Variants in MIPEP observed in about 807,000 individuals in gnomAD.
MIPEP encodes mitochondrial intermediate peptidase.
Under a neutral mutation model 90.3 loss-of-function variants are expected in MIPEP, and 79 were observed. That is an observed-to-expected ratio of 0.87 (90% CI 0.73 to 1.05). The LOEUF is 1.05. Ranked by LOEUF, MIPEP falls within the 50% of genes least tolerant of loss-of-function variation. The probability of loss-of-function intolerance (pLI) is 0.00; values close to 1 mark genes in which losing one functional copy is unlikely to be tolerated. For missense variants in MIPEP, 940 were observed against 905.6 expected (o/e 1.04, Z -0.49); for synonymous variants, 334 against 315.8 (o/e 1.06, Z -0.61).
chr13:23,806,494 A>T (rs1953108563), intron 15 of MIPEP, among the ~76,000 whole-genome samples: 1 of 152,092 alleles, frequency 6.6e-6, no homozygotes, highest in Admixed American at 6.5e-5. Flanking sequence ...TGGCTAACAT[A>T]GTGAAATCCC....
At chr13:23,766,476 T>C (rs1952592138) in intron 16 of MIPEP, among the ~76,000 whole-genome samples, 1 of 152,212 alleles carries the variant, frequency 6.6e-6, no homozygotes, top group South Asian at 2.1e-4. Flanking sequence ...ACAATATCAC[T>C]GGTCTGCTAA....
chr13:23,875,127 TCTGA>T (rs1185261852), intron 4 of MIPEP, among the ~76,000 whole-genome samples: 1 of 151,722 alleles, frequency 6.6e-6, no homozygotes, highest in Non-Finnish European at 1.5e-5. Flanking sequence ...AAAACACCTA[TCTGA>T]CTGACAATTA....
intron 1 of MIPEP, chr13:23,888,897 T>G (rs554616933): frequency 5.4e-6 from 3 of 550,868 alleles, no homozygotes; most frequent in South Asian, 8.5e-5. Context: ...AAGGGGCTCA[T>G]GCAGAAGCAG....
intron 5 of MIPEP, 112 bp downstream of exon 5, chr13:23,874,734 A>G (rs1483776579): frequency 4.9e-6 from 4 of 815,922 alleles, no homozygotes; most frequent in African/African-American, 1.8e-5. Flanking sequence ...AAAGACCTGC[A>G]CGTTTTTGCA....
chr13:23,732,433 C>A (rs759124227), intron 18 of MIPEP, among the ~76,000 whole-genome samples: 26 of 152,146 alleles, frequency 1.7e-4, no homozygotes, highest in Non-Finnish European at 3.7e-4. Flanking sequence ...CAATTTCACT[C>A]CCAGGTATTT....
At chr13:23,733,025 G>A (rs1952222150) in intron 18 of MIPEP, among the ~76,000 whole-genome samples, 1 of 152,102 alleles carries the variant, frequency 6.6e-6, no homozygotes, top group Non-Finnish European at 1.5e-5. Context: ...AAAACATAAG[G>A]CCAGATACGG....
intron 18 of MIPEP, among the ~76,000 whole-genome samples, chr13:23,748,489 G>A (rs1453972804): frequency 6.6e-6 from 1 of 152,168 alleles, no homozygotes; most frequent in Non-Finnish European, 1.5e-5. Context: ...AGCAGAGTAA[G>A]GGGGTAGAGA....
intron 7 of MIPEP, among the ~76,000 whole-genome samples, chr13:23,866,703 C>T (rs989266447): frequency 7.9e-5 from 12 of 152,186 alleles, no homozygotes; most frequent in African/African-American, 2.9e-4. Flanking sequence ...GAGCGCAGTC[C>T]TTGGACTTGT....
intron 5 of MIPEP, among the ~76,000 whole-genome samples, 188 bp from the exon 6 acceptor site, chr13:23,870,383 A>T (rs570117471): frequency 1.1e-4 from 16 of 152,064 alleles, no homozygotes; most frequent in African/African-American, 3.9e-4. Context: ...TACTTTTAAC[A>T]GATATTTAAT....
At chr13:23,851,894 T>C (rs913374403) in intron 10 of MIPEP, among the ~76,000 whole-genome samples, 1 of 152,168 alleles carries the variant, frequency 6.6e-6, no homozygotes, top group Non-Finnish European at 1.5e-5. Flanking sequence ...ACACAAAGTA[T>C]ACAACATCAC....
chr13:23,853,621 C>T (rs1256182994), intron 10 of MIPEP, among the ~76,000 whole-genome samples: 1 of 151,156 alleles, frequency 6.6e-6, no homozygotes, highest in African/African-American at 2.4e-5. Context: ...AGTGCAGTGT[C>T]ATTATCTCTG....
chr13:23,797,054 A>C (rs1262170416), intron 16 of MIPEP, among the ~76,000 whole-genome samples: 1 of 152,238 alleles, frequency 6.6e-6, no homozygotes, highest in African/African-American at 2.4e-5. Flanking sequence ...TGATTATAGC[A>C]GTAGAAACTG....
intron 16 of MIPEP, 135 bp downstream of exon 16, chr13:23,805,815 C>T (rs1953100418): frequency 3.3e-6 from 3 of 896,522 alleles, no homozygotes; most frequent in Non-Finnish European, 5.0e-6. Context: ...AGGCAATTTC[C>T]AGCATTTGAG....
At position 23,870,081 on chromosome 13, in the gene MIPEP, G is replaced by A. The variant is rs758814905; in HGVS notation, c.718C>T (p.Arg240Cys). The change falls in exon 6 of 19, where the codon CGT becomes TGT. Residue 240 changes from arginine (R) to cysteine (C), a missense_variant. Physicochemically the swap from Arg to Cys is radical, Grantham distance 180 (BLOSUM62 -3). Transcript: ENST00000382172. ...TGATCCCCAGCAGATGTAAAGTTAC[G>A]ACGAATGTGTTCTGGTAAGAGATGC... ...EKHLLPEHIRRNFTSAGDHII... is the reference protein window; with the variant it reads ...EKHLLPEHIRCNFTSAGDHII... 12 of 1,612,816 alleles carry A rather than the reference G, an allele frequency of 7.4e-6. No homozygotes were observed. Among genetic ancestry groups the A allele is most frequent in the South Asian group, 2.2e-5 (2 of 90,884 alleles).
intron 7 of MIPEP, among the ~76,000 whole-genome samples, chr13:23,866,359 T>C (rs1886970): frequency 0.39 from 58,790 of 152,010 alleles, 11,537 homozygotes; most frequent in East Asian, 0.46. Flanking sequence ...ACATCTTACG[T>C]GATGATGTGC....
chr13:23,780,131 G>A (rs1301276716), intron 16 of MIPEP, among the ~76,000 whole-genome samples: 1 of 152,240 alleles, frequency 6.6e-6, no homozygotes, highest in Non-Finnish European at 1.5e-5. Context: ...TGGAGTTTGA[G>A]ATCTGAGAAC....
intron 18 of MIPEP, among the ~76,000 whole-genome samples, chr13:23,750,320 G>A (rs1255507725): frequency 2.0e-5 from 3 of 152,082 alleles, no homozygotes; most frequent in Non-Finnish European, 2.9e-5. Context: ...TCTGTTCCAG[G>A]ACCAACCAGG....
At chr13:23,778,693 A>G (rs1378090740) in intron 16 of MIPEP, among the ~76,000 whole-genome samples, 3 of 139,100 alleles carry the variant, frequency 2.2e-5, no homozygotes, top group Non-Finnish European at 3.1e-5. Context: ...TTCAAGCTCT[A>G]CATTATTTTA....
intron 10 of MIPEP, among the ~76,000 whole-genome samples, chr13:23,842,818 G>A (rs1372962698): frequency 2.0e-5 from 3 of 152,188 alleles, no homozygotes; most frequent in African/African-American, 4.8e-5. Context: ...AGAAAGAATC[G>A]GCCGGGTGCT....
Sources: allele counts gnomAD v4.1 joint callset (sites outside exome capture counted in the v4.1 genomes callset), GRCh38; gene constraint gnomAD v4.1.1; transcripts MANE v1.5; gene names NCBI Gene and HGNC (gene_info 2026-07-23, HGNC 2026-07-21).